NCAPG: variants seen among roughly 807,000 people sequenced by gnomAD.
NCAPG encodes the protein non-SMC condensin I complex subunit G, also known as condensin complex subunit 3.
Under a neutral mutation model 113.1 loss-of-function variants are expected in NCAPG, and 69 were observed. The observed-to-expected ratio is 0.61, with a 90% CI of 0.50 to 0.75. The LOEUF is 0.75. Ranked by LOEUF, NCAPG falls within the 30% of genes least tolerant of loss-of-function variation. The pLI, the probability that NCAPG is intolerant of heterozygous loss-of-function variation, is 0.00. For synonymous variants in NCAPG, 370 were observed against 415.8 expected, an observed-to-expected ratio of 0.89 and a Z score of 1.34; for missense variants, 1,058 against 1,177.0, an observed-to-expected ratio of 0.90 and a Z score of 1.48.
chr4:17,820,997 T>C (rs1721435213), intron 7 of NCAPG, among the ~76,000 whole-genome samples: 1 of 152,224 alleles, frequency 6.6e-6, no homozygotes, highest in South Asian at 2.1e-4. Context: ...CTCTTCATTA[T>C]AATAAATGTC....
intron 16 of NCAPG, among the ~76,000 whole-genome samples, chr4:17,839,153 AG>A (rs1332921843): frequency 6.6e-6 from 1 of 152,162 alleles, no homozygotes; most frequent in Non-Finnish European, 1.5e-5. Context: ...TGGAAGAGTA[AG>A]GGAAAAGTAG....
chr4:17,813,881 T>C (rs1419909804), intron 3 of NCAPG, among the ~76,000 whole-genome samples: 1 of 152,198 alleles, frequency 6.6e-6, no homozygotes, highest in Non-Finnish European at 1.5e-5. Context: ...TTTGTCCCTA[T>C]TACCAGTTTT....
chr4:17,831,138 A>G, intron 13 of NCAPG, 22 bp downstream of exon 13: 1 of 1,609,058 alleles, frequency 6.2e-7, no homozygotes, highest in Non-Finnish European at 8.5e-7. Context: ...CTTGTGATAA[A>G]TCTCAACTGT....
intron 16 of NCAPG, 30 bp from the exon 17 acceptor site, chr4:17,839,646 T>A: frequency 7.0e-7 from 1 of 1,421,874 alleles, no homozygotes; most frequent in Non-Finnish European, 9.3e-7. Context: ...TCATCTTCAA[T>A]TTACAGAGAA....
In NCAPG at chr4:17,842,274, T is replaced by C. The variant is rs755927681; in HGVS notation, c.2855-36T>C. 3 of 1,581,382 alleles carry C rather than the reference T, an allele frequency of 1.9e-6. No individual in the cohort carries two copies. The East Asian group carries it at 6.7e-5, about 35-fold the overall frequency. Reference sequence around the variant, plus strand: ...TAGATTAAAAACAAAAAGCAACTGATAATAAATCCTGATAATGAATTATAC... The same window carrying C: ...TAGATTAAAAACAAAAAGCAACTGACAATAAATCCTGATAATGAATTATAC... On this transcript the variant is annotated intron_variant, in intron 19 of 20. Transcript: ENST00000251496.
chr4:17,837,808 G>T lies in NCAPG; in HGVS notation c.2466+7G>T. The T allele has an allele frequency of 6.2e-7, 1 of 1,613,574 alleles. No individual in the cohort carries two copies. The highest frequency in any genetic ancestry group is 1.1e-5 in the South Asian group (1 of 91,046). ...GACTTCCCAAGATTATCAGGTGAGTGACTGTGGTAACTGCATGCAGATCAC... is the reference window on the plus strand; with the variant it reads ...GACTTCCCAAGATTATCAGGTGAGTTACTGTGGTAACTGCATGCAGATCAC... On this transcript the variant is annotated splice_region_variant and intron_variant, in intron 16 of 20. Coordinates refer to ENST00000251496, the MANE Select transcript of NCAPG (RefSeq NM_022346.5).
Position 17,823,776 on chromosome 4 carries a change from T to C in NCAPG, c.1383+6T>C. 1 of 1,587,088 alleles carries C rather than the reference T, an allele frequency of 6.3e-7. No individual in the cohort carries two copies. The highest frequency in any genetic ancestry group is 8.6e-7 in the Non-Finnish European group (1 of 1,160,998). On this transcript the variant is annotated splice_donor_region_variant and intron_variant, in intron 9 of 20. Coordinates refer to ENST00000251496, the MANE Select transcript of NCAPG (RefSeq NM_022346.5). ...ATAATAAGAGAACACAAATTGTAAG[T>C]AATTTTCCTCATTGTTGATAAAGAG...
rs1238459502 is a variant in NCAPG, at chr4:17,820,088, A to G, written c.1118+2000A>G. Among the ~76,000 whole-genome samples, 3 of 152,196 alleles carry G rather than the reference A, an allele frequency of 2.0e-5. No individual in the cohort carries two copies. The South Asian group carries it at 6.2e-4, about 31-fold the overall frequency. On this transcript the variant is annotated intron_variant, in intron 7 of 20. Transcript: ENST00000251496. ...ATATATATAAATATAAAAGATGTTT[A>G]TAGAAGGTAGTGAAAATATAAGAAA...
rs1481317674 is a variant in NCAPG at position 17,837,173 on chromosome 4, G to T, written c.2124G>T (p.Arg708Ser). The change falls in exon 15 of 21, where the codon AGG becomes AGT. Residue 708 changes from arginine (R) to serine (S), a missense_variant. Arg to Ser is a moderately radical substitution (Grantham distance 110). Transcript: ENST00000251496. ...DFLDSEVSELRTGAAEGLAKL... is the reference protein window; with the variant it reads ...DFLDSEVSELSTGAAEGLAKL... The stretch of plus-strand genomic sequence containing the variant: ...ATCTTTGTTAGGTATCTGAACTTAG[G>T]ACTGGAGCTGCAGAAGGACTAGCCA... The T allele has an allele frequency of 4.3e-6, 7 of 1,613,396 alleles. No individual in the cohort carries two copies. Among genetic ancestry groups the T allele is most frequent in the Non-Finnish European group, 5.9e-6 (7 of 1,179,764 alleles).
chr4:17,836,415 A>C (rs1404094459), intron 14 of NCAPG, among the ~76,000 whole-genome samples: 1 of 152,120 alleles, frequency 6.6e-6, no homozygotes, highest in South Asian at 2.1e-4. Flanking sequence ...TTGTTAATAT[A>C]CTTAGATGTA....
intron 20 of NCAPG, 47 bp from the exon 21 acceptor site, chr4:17,843,255 G>A (rs768367714): frequency 1.3e-6 from 2 of 1,578,468 alleles, no homozygotes; most frequent in Non-Finnish European, 8.6e-7. Flanking sequence ...AAATAAACTG[G>A]TTTTAAAGCT....
intron 7 of NCAPG, among the ~76,000 whole-genome samples, chr4:17,820,214 C>G (rs532668371): frequency 6.6e-6 from 1 of 152,296 alleles, no homozygotes; most frequent in African/African-American, 2.4e-5. Flanking sequence ...TTCCTCCCTT[C>G]TGAAAGGTCA....
At chr4:17,840,920 A>G (rs1177003635) in intron 19 of NCAPG, among the ~76,000 whole-genome samples, 1 of 152,008 alleles carries the variant, frequency 6.6e-6, no homozygotes, top group Non-Finnish European at 1.5e-5. Context: ...GATTGAAAGA[A>G]GTATGATGCA....
intron 5 of NCAPG, among the ~76,000 whole-genome samples, chr4:17,816,504 A>G (rs1721218076): frequency 6.6e-6 from 1 of 152,218 alleles, no homozygotes; most frequent in Non-Finnish European, 1.5e-5. Context: ...ATTGCGCTGT[A>G]GTGAGAAAAC....
intron 16 of NCAPG, among the ~76,000 whole-genome samples, chr4:17,838,895 AAAG>A (rs1722209028): frequency 1.3e-5 from 2 of 152,198 alleles, no homozygotes; most frequent in African/African-American, 4.8e-5. Flanking sequence ...AGCAGAAAGA[AAAG>A]AATATTAATA....
In NCAPG at chr4:17,812,949, TAG is replaced by T; in HGVS notation, c.351_352del (p.Arg117SerfsTer19). Reference sequence around the variant, plus strand: ...AAGCAAACAGCAATGCAGTGAGATTTAGAGTGTGCCTGCTCATAAACAAGCTT... The same window carrying T: ...AAGCAAACAGCAATGCAGTGAGATTTAGTGTGCCTGCTCATAAACAAGCTT... ...HEANSNAVRF[R>X]VCLLINKLLG... On this transcript the variant is annotated frameshift_variant, in exon 3 of 21. Transcript: ENST00000251496. LOFTEE classifies it high-confidence loss of function. 6.2e-7 allele frequency: 1 copy of T among 1,614,060 alleles called. No homozygotes were observed.
rs1442938697 is a variant in NCAPG, at chr4:17,811,285, C to G, written c.111+97C>G. 1.5e-6 allele frequency: 1 copy of G among 688,702 alleles called. No individual in the cohort carries two copies. The highest frequency in any genetic ancestry group is 2.3e-6 in the Non-Finnish European group (1 of 435,618). 42.7% of individuals were successfully genotyped at this position (688,702 alleles called of 1,614,324 possible). A position where few individuals can be genotyped will look rare whatever the true frequency, so the allele number is the denominator to read the frequency against. Reference sequence around the variant, plus strand: ...CCCTCGGGCTCGGCGCACCGTGACTCCAGCCTTGTTCACCTTCGCGACTCA... The same window carrying G: ...CCCTCGGGCTCGGCGCACCGTGACTGCAGCCTTGTTCACCTTCGCGACTCA... On this transcript the variant is annotated intron_variant, in intron 1 of 20. Coordinates refer to ENST00000251496, the MANE Select transcript of NCAPG (RefSeq NM_022346.5). This position sits in a 1 kb window ranked among gnomAD's most constrained non-coding sequence, Gnocchi z 5.3.
intron 3 of NCAPG, 127 bp downstream of exon 3, chr4:17,813,272 CA>C: frequency 5.7e-5 from 40 of 705,152 alleles, no homozygotes; most frequent in Non-Finnish European, 6.2e-5. Flanking sequence ...TCCGATTAAA[CA>C]AAAAAAACCT....
chr4:17,838,202 A>G (rs1419663733), intron 16 of NCAPG, among the ~76,000 whole-genome samples: 1 of 152,214 alleles, frequency 6.6e-6, no homozygotes, highest in Non-Finnish European at 1.5e-5. Context: ...TAATTCAAAG[A>G]AGATAAATCA....
Sources: gnomAD v4.1 joint callset for allele counts (sites outside exome capture counted in the v4.1 genomes callset) on GRCh38, gnomAD v4.1.1 for gene constraint, Gnocchi (gnomAD v3.1) non-coding constraint, MANE v1.5 for transcripts, NCBI Gene and HGNC (gene_info 2026-07-23, HGNC 2026-07-21) for gene names.